The following CASKIN1 variants were observed in gnomAD, a reference collection of about 807,000 sequenced individuals.
CASKIN1 encodes CASK interacting protein 1, also known as caskin-1.
Under a neutral mutation model 117.5 loss-of-function variants are expected in CASKIN1, and 42 were observed. That is an observed-to-expected ratio of 0.36 (90% CI 0.28 to 0.46). The LOEUF is 0.46. Among genes scored for constraint, CASKIN1 ranks in the 20% least tolerant of loss-of-function variants. The pLI, the probability that CASKIN1 is intolerant of heterozygous loss-of-function variation, is 1.00. For missense variants in CASKIN1, 2,083 were observed against 2,077.3 expected (o/e 1.00, Z -0.05); for synonymous variants, 1,148 against 961.7 (o/e 1.19, Z -3.59).
chr16:2,188,156 T>C (rs1211436253), intron 6 of CASKIN1, among the ~76,000 whole-genome samples: 1 of 149,622 alleles, frequency 6.7e-6, no homozygotes, highest in Non-Finnish European at 1.5e-5. Flanking sequence ...AATACTGGGA[T>C]TGCAGCATTT....
rs752837300 is a variant in CASKIN1 at position 2,187,266 on chromosome 16, G to A, written c.735C>T (p.Ile245=). The A allele has an allele frequency of 6.2e-5, 100 of 1,613,928 alleles. No individual in the cohort carries two copies. The highest frequency in any genetic ancestry group is 1.6e-4 in the Middle Eastern group (1 of 6,084). ...EVVRLLLDSG[I]NAHVRNTYSQ... ...TGTAGGTGTTCCTCACGTGGGCATTGATCCCGCTCTGCACATGTGAGAGAT... is the reference window on the plus strand; with the variant it reads ...TGTAGGTGTTCCTCACGTGGGCATTAATCCCGCTCTGCACATGTGAGAGAT... The change falls in exon 8 of 20, where the codon ATC becomes ATT. Residue 245 remains isoleucine, a synonymous_variant. Transcript: ENST00000343516.
chr16:2,194,439 C>T (rs2093209989), intron 1 of CASKIN1, among the ~76,000 whole-genome samples: 1 of 151,984 alleles, frequency 6.6e-6, no homozygotes, highest in African/African-American at 2.4e-5. Flanking sequence ...GACTCTGGAG[C>T]AGGGGCTGGA....
chr16:2,187,567 G>A, intron 6 of CASKIN1, 106 bp from the exon 7 acceptor site: 2 of 867,008 alleles, frequency 2.3e-6, no homozygotes, highest in Non-Finnish European at 3.7e-6. Flanking sequence ...TCAGCTTGGG[G>A]GCTGAGGACC....
At position 2,182,193 on chromosome 16, in the gene CASKIN1, A is replaced by C. The variant is rs537851158; in HGVS notation, c.1630-264T>G. On this transcript the variant is annotated intron_variant, in intron 16 of 19. Coordinates refer to ENST00000343516, the MANE Select transcript of CASKIN1 (RefSeq NM_020764.4). This position sits in a 1 kb window ranked among gnomAD's most constrained non-coding sequence, Gnocchi z 4.1. ...ACACCCTTGTCGGGGGGGCAGAAGAAGGCACTTTCCCACCCGGCCAGGCAG... is the reference window on the plus strand; with the variant it reads ...ACACCCTTGTCGGGGGGGCAGAAGACGGCACTTTCCCACCCGGCCAGGCAG... 2.1e-4 allele frequency among the ~76,000 whole-genome samples: 32 copies of C among 152,272 alleles called. No homozygotes were observed. Among genetic ancestry groups the C allele is most frequent in the African/African-American group, 7.5e-4 (31 of 41,546 alleles).
At chr16:2,183,985 G>A (rs377340680) in intron 14 of CASKIN1, 44 bp from the exon 15 acceptor site, 43 of 1,359,520 alleles carry the variant, frequency 3.2e-5, no homozygotes, top group Admixed American at 6.8e-5. Flanking sequence ...CTGCCCGGCC[G>A]CGCCCTGCCA....
At chr16:2,186,633 C>T in intron 10 of CASKIN1, 74 bp downstream of exon 10, 3 of 1,367,982 alleles carry the variant, frequency 2.2e-6, no homozygotes, top group Middle Eastern at 1.8e-4. Flanking sequence ...CCCCCACACC[C>T]TCAGCACACT....
At chr16:2,184,206 G>C (rs2093176827) in intron 14 of CASKIN1, among the ~76,000 whole-genome samples, 1 of 152,028 alleles carries the variant, frequency 6.6e-6, no homozygotes, top group South Asian at 2.1e-4. Flanking sequence ...GGCTGCTACT[G>C]TCCGCCACAC....
In CASKIN1 at chr16:2,196,242, G is replaced by T; in HGVS notation, c.94+97C>A. The T allele has an allele frequency of 3.2e-6, 1 of 312,282 alleles. No individual in the cohort carries two copies. Among genetic ancestry groups the T allele is most frequent in the South Asian group, 1.3e-4 (1 of 7,408 alleles). 19.3% of individuals were successfully genotyped at this position (312,282 alleles called of 1,614,324 possible). On this transcript the variant is annotated intron_variant, in intron 1 of 19. Coordinates refer to ENST00000343516, the MANE Select transcript of CASKIN1 (RefSeq NM_020764.4). This position sits in a 1 kb window ranked among gnomAD's most constrained non-coding sequence, Gnocchi z 5.7. ...GGCCCCGCCCCGCCCCCGGGGACCC[G>T]ACAACGTCCCCTCCCCGCCCGGCGC...
Position 2,178,472 on chromosome 16 carries a change from CA to C in CASKIN1, c.*77del, listed in dbSNP as rs2093151789. 1 of 1,197,120 alleles carries C rather than the reference CA, an allele frequency of 8.4e-7. No homozygotes were observed. The highest frequency in any genetic ancestry group is 1.5e-5 in the South Asian group (1 of 64,760). The allele number at this position is 1,197,120 out of a possible 1,614,324, so 74.2% of individuals were successfully genotyped here. ...CCTGCCCGGCCGCTCGCGCCGCGCCCAGACGCGCCCATCCTGAGGTATAGGT... is the reference window on the plus strand; with the variant it reads ...CCTGCCCGGCCGCTCGCGCCGCGCCCGACGCGCCCATCCTGAGGTATAGGT... On this transcript the variant is annotated 3_prime_UTR_variant, in exon 20 of 20. Transcript: ENST00000343516.
At position 2,183,842 on chromosome 16, in the gene CASKIN1, T is replaced by C; in HGVS notation, c.1516A>G (p.Met506Val). Residue 506 changes from methionine to valine, a missense_variant, in exon 15 of 20, where the codon ATG (methionine) becomes GTG (valine). Transcript: ENST00000343516. Reference protein sequence around the residue: ...AGYDLPTISRMTPEDLTAIGV... With the variant: ...AGYDLPTISRVTPEDLTAIGV... ...CATGGAAAGCTCACCTCGGGAGTCA[T>C]GCGGCTGATGGTGGGCAGGTCGTAG... is the stretch of plus-strand genomic sequence containing the variant. 1 of 1,612,806 alleles carries C rather than the reference T, an allele frequency of 6.2e-7. No individual in the cohort carries two copies.
rs757095754 is a variant in CASKIN1 at position 2,187,274 on chromosome 16, T to G, written c.727A>C (p.Ser243Arg). The G allele has an allele frequency of 1.2e-6, 2 of 1,613,822 alleles. No homozygotes were observed. The highest frequency in any genetic ancestry group is 1.7e-6 in the Non-Finnish European group (2 of 1,179,970). The part of the protein sequence containing the change: ...KTEVVRLLLD[S>R]GINAHVRNTY... ...TTCCTCACGTGGGCATTGATCCCGC[T>G]CTGCACATGTGAGAGATGAGGCTCT... The change falls in exon 8 of 20, where the codon AGC becomes CGC. Residue 243 changes from serine (S) to arginine (R), a missense_variant and splice_region_variant. By Grantham distance (110) the Ser-to-Arg change is moderately radical. Around this residue, in one of 3 missense-constraint regions of CASKIN1, gnomAD observed 203 missense variants for 338.7 expected, o/e 0.60. Transcript: ENST00000343516.
Position 2,179,887 on chromosome 16 carries a change from G to A in CASKIN1, c.3481C>T (p.Pro1161Ser), listed in dbSNP as rs748219299. The A allele has an allele frequency of 1.8e-5, 29 of 1,605,004 alleles. No individual in the cohort carries two copies. Among genetic ancestry groups the A allele is most frequent in the African/African-American group, 2.7e-5 (2 of 74,802 alleles). ...ACGGACAGTGGCGGTGGTGGCTCAGGCCCGGCCTCCCGCTCCTTGGCCTTG... is the reference window on the plus strand; with the variant it reads ...ACGGACAGTGGCGGTGGTGGCTCAGACCCGGCCTCCCGCTCCTTGGCCTTG... ...RPKAKEREAGPEPPPPLSVYH... is the reference protein window; with the variant it reads ...RPKAKEREAGSEPPPPLSVYH... Residue 1161 changes from proline to serine, a missense_variant, in exon 18 of 20, where the codon CCT becomes TCT. Coordinates refer to ENST00000343516, the MANE Select transcript of CASKIN1 (RefSeq NM_020764.4). The surrounding 1 kb of genome is among the most constrained non-coding windows in gnomAD (Gnocchi z 5.8).
Position 2,181,131 on chromosome 16 carries a change from C to A in CASKIN1, c.2237G>T (p.Arg746Leu). The A allele has an allele frequency of 6.8e-7, 1 of 1,476,114 alleles. No homozygotes were observed. Among genetic ancestry groups the A allele is most frequent in the South Asian group, 1.4e-5 (1 of 71,948 alleles). 91.4% of individuals were successfully genotyped at this position (1,476,114 alleles called of 1,614,324 possible). Residue 746 changes from arginine (R) to leucine (L), a missense_variant, in exon 18 of 20, where the codon CGC (arginine) becomes CTC (leucine). Coordinates refer to ENST00000343516, the MANE Select transcript of CASKIN1 (RefSeq NM_020764.4). ...GGCCCTCTTGATGCTGTGGCCGTGG[C>A]GGCCGGGCCGGGCCTCCCTGGGCGG... ...GTPPREARPGRHGHSIKRASV... is the reference protein window; with the variant it reads ...GTPPREARPGLHGHSIKRASV...
Position 2,185,116 on chromosome 16 carries a change from C to A in CASKIN1, c.1234G>T (p.Val412Phe), listed in dbSNP as rs367863057. ...GHALHAGSEGVKLLATVLSQK... is the reference protein window; with the variant it reads ...GHALHAGSEGFKLLATVLSQK... The stretch of plus-strand genomic sequence containing the variant: ...CTGGCCACTACCCCACCTACCTTGA[C>A]GCCTTCAGAGCCCGCGTGTAGGGCG... The change falls in exon 12 of 20, where the codon GTC (valine) becomes TTC (phenylalanine). Residue 412 changes from valine (V) to phenylalanine (F), a missense_variant. Around this residue, in one of 3 missense-constraint regions of CASKIN1, gnomAD observed 1,818 missense variants for 1,688.9 expected, o/e 1.08. Coordinates refer to ENST00000343516, the MANE Select transcript of CASKIN1 (RefSeq NM_020764.4). 6.2e-7 allele frequency: 1 copy of A among 1,609,292 alleles called. No homozygotes were observed. Among genetic ancestry groups the A allele is most frequent in the Non-Finnish European group, 8.5e-7 (1 of 1,179,716 alleles).
chr16:2,195,190 C>A (rs1217881848), intron 1 of CASKIN1, among the ~76,000 whole-genome samples: 2 of 152,236 alleles, frequency 1.3e-5, no homozygotes, highest in Non-Finnish European at 2.9e-5. Context: ...TGCCCCCTCT[C>A]TCTTACTGCA....
At chr16:2,185,591 C>T (rs1596690073) in intron 10 of CASKIN1, among the ~76,000 whole-genome samples, 183 bp from the exon 11 acceptor site, 1 of 152,246 alleles carries the variant, frequency 6.6e-6, no homozygotes, top group Admixed American at 6.5e-5. Context: ...AGGAGAGAGG[C>T]AGAGACAGCC....
rs747096482 is a variant in CASKIN1, at chr16:2,181,169, G to A, written c.2199C>T (p.Pro733=). ...RSQEYLLDEG[P]APGTPPREAR... ...CCTCCCTGGGCGGGGTGCCGGGGGCGGGGCCCTCATCCAGGAGGTACTCCT... is the reference window on the plus strand; with the variant it reads ...CCTCCCTGGGCGGGGTGCCGGGGGCAGGGCCCTCATCCAGGAGGTACTCCT... The change falls in exon 18 of 20, where the codon CCC becomes CCT. Residue 733 remains proline, a synonymous_variant. Coordinates refer to ENST00000343516, the MANE Select transcript of CASKIN1 (RefSeq NM_020764.4). 4.8e-5 allele frequency: 73 copies of A among 1,515,396 alleles called. No individual in the cohort carries two copies. The highest frequency in any genetic ancestry group is 5.8e-5 in the Non-Finnish European group (66 of 1,143,056). 93.9% of individuals were successfully genotyped at this position (1,515,396 alleles called of 1,614,324 possible).
In CASKIN1 at chr16:2,182,209, G is replaced by A. The variant is rs571664192; in HGVS notation, c.1630-280C>T. On this transcript the variant is annotated intron_variant, in intron 16 of 19. Coordinates refer to ENST00000343516, the MANE Select transcript of CASKIN1 (RefSeq NM_020764.4). This position sits in a 1 kb window ranked among gnomAD's most constrained non-coding sequence, Gnocchi z 4.1. Reference sequence around the variant, plus strand: ...GGCAGAAGAAGGCACTTTCCCACCCGGCCAGGCAGCCACGAGTACAGCACC... The same window carrying A: ...GGCAGAAGAAGGCACTTTCCCACCCAGCCAGGCAGCCACGAGTACAGCACC... Among the ~76,000 whole-genome samples, 18 of 152,184 alleles carry A rather than the reference G, an allele frequency of 1.2e-4. No homozygotes were observed. The highest frequency in any genetic ancestry group is 4.2e-4 in the South Asian group (2 of 4,818).
intron 14 of CASKIN1, among the ~76,000 whole-genome samples, chr16:2,184,216 C>T (rs984048757): frequency 1.4e-4 from 21 of 152,112 alleles, no homozygotes; most frequent in Admixed American, 6.5e-5. Flanking sequence ...GTCCGCCACA[C>T]GCCTCCCTGA....
Sources: gnomAD v4.1 joint callset for allele counts (sites outside exome capture counted in the v4.1 genomes callset) on GRCh38, gnomAD v4.1.1 for gene constraint, gnomAD v4.1.1 regional missense constraint, Gnocchi (gnomAD v3.1) non-coding constraint, MANE v1.5 for transcripts, NCBI Gene and HGNC (gene_info 2026-07-23, HGNC 2026-07-21) for gene names.